Variants in MEIS1 observed in about 807,000 individuals in gnomAD.
MEIS1 encodes the protein homeobox protein Meis1.
In MEIS1, 5 loss-of-function variants were observed where a neutral mutation model predicts 50.8. That is an observed-to-expected ratio of 0.10 (90% CI 0.05 to 0.21). MEIS1 has a LOEUF of 0.21. MEIS1 is among the 10% of genes least tolerant of loss of function. The pLI is 1.00. For missense variants in MEIS1, 318 were observed against 517.3 expected, an observed-to-expected ratio of 0.61 and a Z score of 3.74; for synonymous variants, 176 against 179.3, an observed-to-expected ratio of 0.98 and a Z score of 0.15.
chr2:66,514,169 G>T (rs1019076413), intron 8 of MEIS1, among the ~76,000 whole-genome samples: 1 of 152,078 alleles, frequency 6.6e-6, no homozygotes, highest in Admixed American at 6.5e-5. Context: ...AGGAGTTTTG[G>T]CTTTACTTGA....
chr2:66,460,769 C>G (rs1027386310), intron 6 of MEIS1, among the ~76,000 whole-genome samples: 6 of 151,352 alleles, frequency 4.0e-5, no homozygotes, highest in East Asian at 3.9e-4. Context: ...TGTTGTTGTT[C>G]TTGTTGTTTT....
chr2:66,514,413 G>T (rs1026338491), intron 8 of MEIS1, among the ~76,000 whole-genome samples: 1 of 152,138 alleles, frequency 6.6e-6, no homozygotes, highest in Non-Finnish European at 1.5e-5. Context: ...TGCTTATATG[G>T]ACTATGTGTT....
At chr2:66,555,956 A>G (rs926222045) in intron 9 of MEIS1, among the ~76,000 whole-genome samples, 40 of 152,248 alleles carry the variant, frequency 2.6e-4, no homozygotes, top group African/African-American at 8.7e-4. Context: ...TCCGGTCTGC[A>G]TTGCTCCAGT....
chr2:66,555,504 A>G (rs1675038512), intron 9 of MEIS1, among the ~76,000 whole-genome samples: 1 of 152,366 alleles, frequency 6.6e-6, no homozygotes, highest in South Asian at 2.1e-4. Context: ...AAGGGGAAAC[A>G]AACTCGGCTA....
At chr2:66,517,084 T>C (rs1367354878) in intron 8 of MEIS1, among the ~76,000 whole-genome samples, 1 of 152,202 alleles carries the variant, frequency 6.6e-6, no homozygotes, top group Non-Finnish European at 1.5e-5. Context: ...CTCTGTACTC[T>C]GCCAGTTTGA....
intron 12 of MEIS1, 139 bp downstream of exon 12, chr2:66,569,284 T>C (rs1284248823): frequency 1.4e-6 from 1 of 700,094 alleles, no homozygotes; most frequent in Non-Finnish European, 2.3e-6. Context: ...CTTCCATCAT[T>C]TTCTTTTTGG....
At chr2:66,489,783 G>T (rs1673230529) in intron 7 of MEIS1, among the ~76,000 whole-genome samples, 2 of 152,184 alleles carry the variant, frequency 1.3e-5, no homozygotes, top group Non-Finnish European at 2.9e-5. Flanking sequence ...TTTCTCCTCA[G>T]TAAGTTTATA....
At chr2:66,502,128 C>G (rs1315687892) in intron 7 of MEIS1, among the ~76,000 whole-genome samples, 1 of 152,176 alleles carries the variant, frequency 6.6e-6, no homozygotes, top group Non-Finnish European at 1.5e-5. Context: ...TATATACATA[C>G]AGCCTAGATC....
chr2:66,558,038 G>C (rs1467884671), intron 9 of MEIS1, among the ~76,000 whole-genome samples: 1 of 152,108 alleles, frequency 6.6e-6, no homozygotes, highest in Non-Finnish European at 1.5e-5. Context: ...CCAGCATTTT[G>C]GGAGGCCGAG....
chr2:66,563,722 C>T (rs1259336967), intron 9 of MEIS1, among the ~76,000 whole-genome samples: 1 of 152,132 alleles, frequency 6.6e-6, no homozygotes, highest in African/African-American at 2.4e-5. Flanking sequence ...CTCAGTTTGA[C>T]TTATAGTGGG....
At chr2:66,473,397 A>AT (rs1553373465) in intron 7 of MEIS1, among the ~76,000 whole-genome samples, 3,019 of 106,608 alleles carry the variant, frequency 0.028, 45 homozygotes, top group Non-Finnish European at 0.039. Flanking sequence ...AAAAAAAAAA[A>AT]ATATATATAT....
chr2:66,464,291 G>A, intron 7 of MEIS1, 71 bp downstream of exon 7: 1 of 1,198,710 alleles, frequency 8.3e-7, no homozygotes, highest in South Asian at 1.3e-5. Context: ...AATGTCTAGT[G>A]AGTTACTAAG....
intron 9 of MEIS1, among the ~76,000 whole-genome samples, chr2:66,565,660 A>C (rs879636396): frequency 2.6e-5 from 4 of 152,120 alleles, no homozygotes; most frequent in Non-Finnish European, 5.9e-5. Context: ...GTCTCTTCCT[A>C]TTTTTAGGTA....
intron 6 of MEIS1, among the ~76,000 whole-genome samples, chr2:66,463,172 G>A (rs1385801794): frequency 1.3e-5 from 2 of 151,544 alleles, no homozygotes; most frequent in Non-Finnish European, 2.9e-5. Flanking sequence ...GACCTTATAT[G>A]ATTGAAATGA....
intron 8 of MEIS1, among the ~76,000 whole-genome samples, chr2:66,540,040 G>A (rs892459021): frequency 2.0e-5 from 3 of 152,122 alleles, no homozygotes; most frequent in East Asian, 1.9e-4. Flanking sequence ...ACTCAGGGCC[G>A]GACAGACCTG....
chr2:66,451,155 T>G (rs548234410), intron 6 of MEIS1, among the ~76,000 whole-genome samples: 1 of 152,278 alleles, frequency 6.6e-6, no homozygotes, highest in African/African-American at 2.4e-5. Flanking sequence ...ACTGTGATTC[T>G]TATTTGTCTT....
In MEIS1 at chr2:66,464,099, GC is replaced by G; in HGVS notation, c.631-5del. 6.3e-7 allele frequency: 1 copy of G among 1,577,960 alleles called. No homozygotes were observed. Among genetic ancestry groups the G allele is most frequent in the East Asian group, 2.3e-5 (1 of 43,136 alleles). On this transcript the variant is annotated splice_polypyrimidine_tract_variant and intron_variant, in intron 6 of 12. Coordinates refer to ENST00000272369, the MANE Select transcript of MEIS1 (RefSeq NM_002398.3). Reference sequence around the variant, plus strand: ...CCTCTTATTTGGGTTTCTGATTTGTGCCCCCACAGCCCTCTTGGAACAGAGA... The same window carrying G: ...CCTCTTATTTGGGTTTCTGATTTGTGCCCCACAGCCCTCTTGGAACAGAGA...
chr2:66,506,702 A>T (rs73937937), intron 7 of MEIS1, among the ~76,000 whole-genome samples: 4,176 of 152,228 alleles, frequency 0.027, 209 homozygotes, highest in African/African-American at 0.091. Context: ...TCTCCTTAAG[A>T]CCTCTGAAGT....
In MEIS1 at chr2:66,511,936, C is replaced by T. The variant is rs190252589; in HGVS notation, c.743-213C>T. Among the ~76,000 whole-genome samples, 209 of 152,318 alleles carry T rather than the reference C, an allele frequency of 1.4e-3. 4 individuals are homozygous for T. The East Asian group carries it at 0.021, about 16-fold the overall frequency. On this transcript the variant is annotated intron_variant, in intron 7 of 12. Transcript: ENST00000272369. ...ATTCCCTTTGACTTTTGGCAATGTTCTTTGGAAGAAGTTCTTTAGACCTGA... is the reference window on the plus strand; with the variant it reads ...ATTCCCTTTGACTTTTGGCAATGTTTTTTGGAAGAAGTTCTTTAGACCTGA...
Sources: gnomAD v4.1 joint callset for allele counts (sites outside exome capture counted in the v4.1 genomes callset) on GRCh38, gnomAD v4.1.1 for gene constraint, MANE v1.5 for transcripts, NCBI Gene and HGNC (gene_info 2026-07-23, HGNC 2026-07-21) for gene names.